The following NT5E variants were observed in gnomAD, a reference collection of about 807,000 sequenced individuals.
NT5E encodes the protein 5'-nucleotidase ecto.
Under a neutral mutation model 55.1 loss-of-function variants are expected in NT5E, and 53 were observed. The observed-to-expected ratio is 0.96, with a 90% confidence interval of 0.77 to 1.21. The LOEUF is 1.21. NT5E is among the 50% of genes most tolerant of loss of function. The pLI is 0.00. For synonymous variants in NT5E, 270 were observed against 278.4 expected, an observed-to-expected ratio of 0.97 and a Z score of 0.30; for missense variants, 683 against 724.3, an observed-to-expected ratio of 0.94 and a Z score of 0.65.
chr6:85,458,380 T>C (rs1769028280), intron 1 of NT5E, among the ~76,000 whole-genome samples: 1 of 152,182 alleles, frequency 6.6e-6, no homozygotes, highest in South Asian at 2.1e-4. Context: ...TTCCTCTTTT[T>C]CAGTCTAAAT....
At chr6:85,464,067 ATTTT>A (rs67527174) in intron 1 of NT5E, among the ~76,000 whole-genome samples, 65 of 98,434 alleles carry the variant, frequency 6.6e-4, no homozygotes, top group African/African-American at 1.5e-3. Flanking sequence ...GTAGTTAGGA[ATTTT>A]TTTTTTTTTT....
rs1242216818 is a variant in NT5E, at chr6:85,450,358, C to T, written c.219C>T (p.Arg73=). The change falls in exon 1 of 9, where the codon CGC becomes CGT. Residue 73 remains arginine (R), a synonymous_variant. Coordinates refer to ENST00000257770, the MANE Select transcript of NT5E (RefSeq NM_002526.4). This position sits in a 1 kb window ranked among gnomAD's most constrained non-coding sequence, Gnocchi z 4.0. ...RLFTKVQQIR[R]AEPNVLLLDA... is the part of the protein sequence containing the mutation. Reference sequence around the variant, plus strand: ...TCACCAAGGTTCAGCAGATCCGCCGCGCCGAACCCAACGTGCTGCTGCTGG... The same window carrying T: ...TCACCAAGGTTCAGCAGATCCGCCGTGCCGAACCCAACGTGCTGCTGCTGG... The T allele has an allele frequency of 2.5e-6, 4 of 1,595,086 alleles. No homozygotes were observed. The highest frequency in any genetic ancestry group is 3.4e-6 in the Non-Finnish European group (4 of 1,172,146).
chr6:85,482,382 GGGAAAAAA>G (rs957371282), intron 3 of NT5E, among the ~76,000 whole-genome samples: 7 of 149,100 alleles, frequency 4.7e-5, no homozygotes, highest in African/African-American at 1.7e-4. Context: ...GAAGGAAGGA[GGGAAAAAA>G]GGAAAAAAGG....
At chr6:85,453,906 T>C (rs1768940246) in intron 1 of NT5E, among the ~76,000 whole-genome samples, 1 of 152,228 alleles carries the variant, frequency 6.6e-6, no homozygotes, top group Admixed American at 6.5e-5. Flanking sequence ...GTTTTGTTTC[T>C]ACATGCACTT....
chr6:85,484,012 T>A (rs1191682920), intron 3 of NT5E, among the ~76,000 whole-genome samples: 1 of 152,130 alleles, frequency 6.6e-6, no homozygotes, highest in Non-Finnish European at 1.5e-5. Flanking sequence ...GACAATCAAT[T>A]TTCTTGTCTG....
intron 3 of NT5E, among the ~76,000 whole-genome samples, chr6:85,483,833 AGT>A (rs1421225362): frequency 6.6e-6 from 1 of 152,194 alleles, no homozygotes; most frequent in African/African-American, 2.4e-5. Context: ...TGATTTGTTA[AGT>A]GTCCTTTCAC....
chr6:85,472,482 A>C (rs1363392514), intron 3 of NT5E, among the ~76,000 whole-genome samples: 1 of 152,240 alleles, frequency 6.6e-6, no homozygotes, highest in Non-Finnish European at 1.5e-5. Context: ...AAAAGGAAAG[A>C]AACACAATAT....
At chr6:85,469,261 C>T (rs1769256892) in intron 2 of NT5E, among the ~76,000 whole-genome samples, 1 of 152,112 alleles carries the variant, frequency 6.6e-6, no homozygotes, top group African/African-American at 2.4e-5. Context: ...GAATACATTC[C>T]TTTGTCCTCA....
At chr6:85,479,862 C>G (rs1769510062) in intron 3 of NT5E, among the ~76,000 whole-genome samples, 1 of 152,086 alleles carries the variant, frequency 6.6e-6, no homozygotes, top group Admixed American at 6.6e-5. Context: ...TTAAACATTG[C>G]TTTATAGAAG....
chr6:85,458,204 T>A (rs530041877), intron 1 of NT5E, among the ~76,000 whole-genome samples: 38 of 152,152 alleles, frequency 2.5e-4, no homozygotes, highest in Non-Finnish European at 4.7e-4. Context: ...GAAAGAGAGA[T>A]TCTGTTTGCA....
At chr6:85,458,448 G>GTAGTTTCTCAGCTCATCT (rs1334963472) in intron 1 of NT5E, among the ~76,000 whole-genome samples, 1 of 152,152 alleles carries the variant, frequency 6.6e-6, no homozygotes, top group African/African-American at 2.4e-5. Context: ...GGAAGTAAAG[G>GTAGTTTCTCAGCTCATCT]TAGTTTCTCA....
intron 2 of NT5E, among the ~76,000 whole-genome samples, chr6:85,468,206 C>T (rs1279583747): frequency 6.6e-6 from 1 of 151,894 alleles, no homozygotes; most frequent in Non-Finnish European, 1.5e-5. Context: ...TAAATAAGTC[C>T]AGGCCATTGG....
intron 3 of NT5E, among the ~76,000 whole-genome samples, chr6:85,484,920 G>T (rs754952333): frequency 6.6e-6 from 1 of 152,198 alleles, no homozygotes; most frequent in Non-Finnish European, 1.5e-5. Flanking sequence ...TAGTGAGAAT[G>T]GAGCCACAGT....
intron 1 of NT5E, among the ~76,000 whole-genome samples, chr6:85,462,250 C>T (rs896147683): frequency 1.3e-5 from 2 of 152,174 alleles, no homozygotes; most frequent in Admixed American, 1.3e-4. Context: ...CCAGACTGAG[C>T]TTTCCAAGCA....
chr6:85,494,331 A>C lies in NT5E; in HGVS notation c.*327A>C, dbSNP rs1769848111. 1 of 250,794 alleles carries C rather than the reference A, an allele frequency of 4.0e-6. No homozygotes were observed. The highest frequency in any genetic ancestry group is 7.7e-6 in the Non-Finnish European group (1 of 129,934). The allele number at this position is 250,794 out of a possible 1,614,324, so 15.5% of individuals were successfully genotyped here. A position where few individuals can be genotyped will look rare whatever the true frequency, so the allele number is the denominator to read the frequency against. Reference sequence around the variant, plus strand: ...CCATTTCTAATCCATCAAACAGCTTATGTTTACATAAAATTTTATCATTCA... The same window carrying C: ...CCATTTCTAATCCATCAAACAGCTTCTGTTTACATAAAATTTTATCATTCA... On this transcript the variant is annotated 3_prime_UTR_variant, in exon 9 of 9. Transcript: ENST00000257770.
chr6:85,470,258 A>T (rs1350561483), intron 2 of NT5E, among the ~76,000 whole-genome samples: 1 of 152,206 alleles, frequency 6.6e-6, no homozygotes, highest in Admixed American at 6.5e-5. Context: ...GCCTTGCTGC[A>T]CACAGAGAAC....
At position 85,493,880 on chromosome 6, in the gene NT5E, A is replaced by G; in HGVS notation, c.1601A>G (p.Lys534Arg). 6.2e-7 allele frequency: 1 copy of G among 1,614,056 alleles called. No individual in the cohort carries two copies. The highest frequency in any genetic ancestry group is 8.5e-7 in the Non-Finnish European group (1 of 1,179,960). The change falls in exon 9 of 9, where the codon AAA becomes AGA. Residue 534 changes from lysine (K) to arginine (R), a missense_variant. Lys to Arg is a conservative substitution (Grantham distance 26). Transcript: ENST00000257770. ...DINVVSTYIS[K>R]MKVIYPAVEG... ...AACGTGGTTTCTACATATATCTCCAAAATGAAAGTAATTTATCCAGCAGTT... is the reference window on the plus strand; with the variant it reads ...AACGTGGTTTCTACATATATCTCCAGAATGAAAGTAATTTATCCAGCAGTT...
At chr6:85,463,052 C>A (rs1183887073) in intron 1 of NT5E, among the ~76,000 whole-genome samples, 4 of 151,910 alleles carry the variant, frequency 2.6e-5, no homozygotes, top group Non-Finnish European at 4.4e-5. Context: ...TGGAAAGTTT[C>A]TTTCATATAA....
At chr6:85,475,356 A>G (rs1769408677) in intron 3 of NT5E, among the ~76,000 whole-genome samples, 2 of 152,210 alleles carry the variant, frequency 1.3e-5, no homozygotes, top group Non-Finnish European at 2.9e-5. Flanking sequence ...AGGCATGACT[A>G]AAACAGTGCA....
Sources: allele counts gnomAD v4.1 joint callset (sites outside exome capture counted in the v4.1 genomes callset), GRCh38; gene constraint gnomAD v4.1.1; non-coding constraint Gnocchi (gnomAD v3.1); transcripts MANE v1.5; gene names NCBI Gene and HGNC (gene_info 2026-07-23, HGNC 2026-07-21).